The following NEGR1 variants were observed in gnomAD, a reference collection of about 807,000 sequenced individuals.
The protein encoded by NEGR1 is IgLON family member 4.
A neutral mutation model predicts 40.9 loss-of-function variants in NEGR1; 10 were observed. The observed-to-expected ratio is 0.24, with a 90% CI of 0.15 to 0.42. The LOEUF is 0.42. Among genes scored for constraint, NEGR1 ranks in the 10% least tolerant of loss-of-function variants. The probability of loss-of-function intolerance (pLI) is 1.00; values close to 1 mark genes in which losing one functional copy is unlikely to be tolerated. For synonymous variants in NEGR1, 185 were observed against 166.8 expected, an observed-to-expected ratio of 1.11 and a Z score of -0.84; for missense variants, 352 against 438.9, an observed-to-expected ratio of 0.80 and a Z score of 1.77.
chr1:71,563,959 GAA>G (rs923032908), intron 6 of NEGR1, among the ~76,000 whole-genome samples: 1 of 142,910 alleles, frequency 7.0e-6, no homozygotes, highest in Non-Finnish European at 1.5e-5. Flanking sequence ...GATCGGGGAG[GAA>G]AAAAAAAAAG....
chr1:71,679,283 C>T (rs1232397164), intron 4 of NEGR1, among the ~76,000 whole-genome samples: 2 of 152,072 alleles, frequency 1.3e-5, no homozygotes, highest in South Asian at 2.1e-4. Flanking sequence ...AATACCTGTT[C>T]AAATTTTGAA....
chr1:71,853,953 C>T (rs988231506), intron 2 of NEGR1, among the ~76,000 whole-genome samples: 3 of 152,080 alleles, frequency 2.0e-5, no homozygotes, highest in African/African-American at 7.2e-5. Flanking sequence ...TGAGTTGAAA[C>T]TGGTCGTTTT....
chr1:71,752,119 T>A (rs1655589478), intron 3 of NEGR1, among the ~76,000 whole-genome samples: 1 of 152,166 alleles, frequency 6.6e-6, no homozygotes. Context: ...TAAGATGCAA[T>A]AGAAGTCCAT....
At chr1:71,531,739 G>T (rs539226965) in intron 6 of NEGR1, among the ~76,000 whole-genome samples, 22 of 151,440 alleles carry the variant, frequency 1.5e-4, no homozygotes, top group Middle Eastern at 3.4e-3. Context: ...ATATGTTTCA[G>T]TTTGAGAGGT....
intron 2 of NEGR1, among the ~76,000 whole-genome samples, chr1:71,874,882 C>T (rs1481954894): frequency 6.6e-6 from 1 of 151,996 alleles, no homozygotes; most frequent in African/African-American, 2.4e-5. Context: ...CTTGCTCTAT[C>T]ACCCAGGCTG....
At chr1:71,438,658 C>A (rs1276842330) in intron 6 of NEGR1, among the ~76,000 whole-genome samples, 1 of 152,172 alleles carries the variant, frequency 6.6e-6, no homozygotes, top group Non-Finnish European at 1.5e-5. Flanking sequence ...GCCTTACTAA[C>A]CTTAGTTATG....
At chr1:71,639,398 A>G (rs1320333410) in intron 4 of NEGR1, among the ~76,000 whole-genome samples, 1 of 151,996 alleles carries the variant, frequency 6.6e-6, no homozygotes, top group Non-Finnish European at 1.5e-5. Flanking sequence ...GTATCTCATC[A>G]CAAAGGTTTG....
In NEGR1 at chr1:72,155,378, T is replaced by C. The variant is rs562120658; in HGVS notation, c.176+126941A>G. The stretch of plus-strand genomic sequence containing the variant: ...CAATGTCATGAGTAGCCAAATCATA[T>C]AACCTAGTGGCTTTGTCAATTATCC... On this transcript the variant is annotated intron_variant, in intron 1 of 6. Coordinates refer to ENST00000357731, the MANE Select transcript of NEGR1 (RefSeq NM_173808.3). 2.6e-5 allele frequency among the ~76,000 whole-genome samples: 4 copies of C among 152,160 alleles called. No individual in the cohort carries two copies. In the South Asian group the frequency reaches 6.2e-4, roughly 24 times the overall value.
At chr1:71,412,057 G>C (rs1646326257) in intron 6 of NEGR1, among the ~76,000 whole-genome samples, 2 of 151,734 alleles carry the variant, frequency 1.3e-5, no homozygotes, top group Non-Finnish European at 1.5e-5. Flanking sequence ...ATTGTTTATT[G>C]AGTAAAGCCA....
At chr1:72,080,882 A>G (rs1447502082) in intron 1 of NEGR1, among the ~76,000 whole-genome samples, 2 of 152,138 alleles carry the variant, frequency 1.3e-5, no homozygotes, top group Non-Finnish European at 2.9e-5. Flanking sequence ...GTCTCAGCAC[A>G]TGACTTGGTA....
intron 4 of NEGR1, among the ~76,000 whole-genome samples, chr1:71,637,116 G>A (rs1275202823): frequency 6.6e-6 from 1 of 151,980 alleles, no homozygotes; most frequent in African/African-American, 2.4e-5. Context: ...TGGGGTTCTT[G>A]TACTATAGTG....
At chr1:71,610,228 G>C (rs1391680837) in intron 5 of NEGR1, among the ~76,000 whole-genome samples, 1 of 152,170 alleles carries the variant, frequency 6.6e-6, no homozygotes, top group African/African-American at 2.4e-5. Context: ...CTTCGAAAGT[G>C]GGAATTTCAT....
intron 1 of NEGR1, among the ~76,000 whole-genome samples, chr1:72,087,144 G>C (rs1648252787): frequency 6.6e-6 from 1 of 152,110 alleles, no homozygotes; most frequent in South Asian, 2.1e-4. Flanking sequence ...ACTAGGCCGG[G>C]CACAGTGGCT....
chr1:71,599,137 A>G (rs1649835844), intron 5 of NEGR1, among the ~76,000 whole-genome samples: 1 of 152,216 alleles, frequency 6.6e-6, no homozygotes, highest in African/African-American at 2.4e-5. Context: ...TAATGTTAAA[A>G]TGTTTTTAAA....
At chr1:71,591,939 A>C (rs984898580) in intron 6 of NEGR1, among the ~76,000 whole-genome samples, 1 of 152,112 alleles carries the variant, frequency 6.6e-6, no homozygotes, top group Non-Finnish European at 1.5e-5. Flanking sequence ...ATAGCTTACT[A>C]TAACAAGATC....
chr1:71,401,765 C>T lies in NEGR1; in HGVS notation c.*5681G>A, dbSNP rs184787387. ...TTAGTGGATTATCCCAAACTTGACA[C>T]ATTTTTTGCAAAATGCTATACAAAA... On this transcript the variant is annotated 3_prime_UTR_variant, in exon 7 of 7. Coordinates refer to ENST00000357731, the MANE Select transcript of NEGR1 (RefSeq NM_173808.3). 2 of 152,226 alleles carry T rather than the reference C, an allele frequency of 1.3e-5. No individual in the cohort carries two copies. The highest frequency in any genetic ancestry group is 1.3e-4 in the Admixed American group (2 of 15,286). 9.4% of individuals were successfully genotyped at this position (152,226 alleles called of 1,614,324 possible).
At chr1:72,173,017 T>G (rs1652020138) in intron 1 of NEGR1, among the ~76,000 whole-genome samples, 1 of 151,952 alleles carries the variant, frequency 6.6e-6, no homozygotes, top group Non-Finnish European at 1.5e-5. Flanking sequence ...ATTTATTTAT[T>G]TTTTATTGAG....
At chr1:72,205,344 G>C (rs981258826) in intron 1 of NEGR1, among the ~76,000 whole-genome samples, 10 of 151,630 alleles carry the variant, frequency 6.6e-5, no homozygotes, top group Admixed American at 6.6e-4. Flanking sequence ...GACACAGCAA[G>C]ACTCTAAGAG....
chr1:71,768,765 C>T (rs1368186248), intron 3 of NEGR1, among the ~76,000 whole-genome samples: 2 of 152,084 alleles, frequency 1.3e-5, no homozygotes, highest in Non-Finnish European at 2.9e-5. Context: ...GAATTGTAAT[C>T]CCAATGTTGG....
Sources: gnomAD v4.1 joint callset for allele counts (sites outside exome capture counted in the v4.1 genomes callset) on GRCh38, gnomAD v4.1.1 for gene constraint, MANE v1.5 for transcripts, NCBI Gene and HGNC (gene_info 2026-07-23, HGNC 2026-07-21) for gene names.